The following UVSSA variants were observed in gnomAD, a reference collection of about 807,000 sequenced individuals.
UVSSA encodes the protein UV stimulated scaffold protein A, also known as UV-stimulated scaffold protein A.
UVSSA carries 72 observed loss-of-function variants against 73.9 expected under a neutral mutation model. The observed-to-expected ratio is 0.97, with a 90% CI of 0.81 to 1.19. The LOEUF is 1.19. UVSSA is among the 50% of genes most tolerant of loss of function. UVSSA has a pLI of 0.00. For missense variants in UVSSA, 1,150 were observed against 965.0 expected (o/e 1.19, Z -2.54); for synonymous variants, 454 against 391.3 (o/e 1.16, Z -1.89).
chr4:1,384,039 G>A (rs1719822583), intron 13 of UVSSA, 99 bp downstream of exon 13: 2 of 1,370,054 alleles, frequency 1.5e-6, no homozygotes, highest in East Asian at 2.5e-5. Context: ...AGGGACTTGG[G>A]GCCTCCAGGG....
chr4:1,352,603 G>C (rs1305194231), intron 4 of UVSSA, among the ~76,000 whole-genome samples: 4 of 152,398 alleles, frequency 2.6e-5, no homozygotes, highest in East Asian at 3.9e-4. Flanking sequence ...GAGGTACACA[G>C]AGATTGCCTT....
downstream of UVSSA, chr4:1,388,061 T>C (rs1720275508): frequency 3.3e-5 from 5 of 152,224 alleles, no homozygotes; most frequent in Admixed American, 6.5e-5. Flanking sequence ...CTTCTGATTA[T>C]CTTTCCATTT....
rs1394173691 is a variant in UVSSA, at chr4:1,376,108, C to G, written c.1508C>G (p.Pro503Arg). ...AAERARAPVV[P>R]YGVDLHYWGQ... ...GAGCGGGCCCGGGCGCCTGTGGTGCCCTACGGCGTGGACCTGCACTACTGG... is the reference window on the plus strand; with the variant it reads ...GAGCGGGCCCGGGCGCCTGTGGTGCGCTACGGCGTGGACCTGCACTACTGG... The change falls in exon 10 of 14, where the codon CCC becomes CGC. Residue 503 changes from proline to arginine, a missense_variant. Coordinates refer to ENST00000389851, the MANE Select transcript of UVSSA (RefSeq NM_020894.4). 3 of 1,607,290 alleles carry G rather than the reference C, an allele frequency of 1.9e-6. No homozygotes were observed. Among genetic ancestry groups the G allele is most frequent in the Non-Finnish European group, 2.5e-6 (3 of 1,177,488 alleles).
chr4:1,381,208 C>T (rs74798705), intron 12 of UVSSA, among the ~76,000 whole-genome samples: 4,012 of 152,268 alleles, frequency 0.026, 126 homozygotes, highest in East Asian at 0.17. Flanking sequence ...TAGGGGGTCA[C>T]GTGTTCATGA....
exon 14 of UVSSA, chr4:1,395,863 G>A (rs376958256): frequency 1.3e-4 from 209 of 1,609,652 alleles, no homozygotes; most frequent in Non-Finnish European, 2.9e-5. Context: ...GAATATTAGG[G>A]ATGAGATGGA....
intron 7 of UVSSA, among the ~76,000 whole-genome samples, chr4:1,361,718 C>G (rs560863440): frequency 6.6e-6 from 1 of 152,338 alleles, no homozygotes; most frequent in South Asian, 2.1e-4. Context: ...ATAGCAGATG[C>G]AATGACGACC....
intron 8 of UVSSA, among the ~76,000 whole-genome samples, chr4:1,372,446 T>C (rs977639122): frequency 5.9e-5 from 9 of 152,216 alleles, no homozygotes; most frequent in African/African-American, 2.2e-4. Context: ...CTTCAGATGG[T>C]CACTCTTCAT....
chr4:1,359,567 C>G (rs747000639), intron 7 of UVSSA: 1 of 152,220 alleles, frequency 6.6e-6, no homozygotes, highest in Non-Finnish European at 1.5e-5. Flanking sequence ...GTGGCTCTGT[C>G]TTTCCTTCTG....
In UVSSA at chr4:1,353,310, AG is replaced by A; in HGVS notation, c.833del (p.Gly278ValfsTer37). The A allele has an allele frequency of 6.2e-7, 1 of 1,611,724 alleles. No individual in the cohort carries two copies. The highest frequency in any genetic ancestry group is 8.5e-7 in the Non-Finnish European group (1 of 1,179,850). ...GGAQPSQTAT[G>X]DPSDEDEDSD... The stretch of plus-strand genomic sequence containing the variant: ...GGGCACAGCCATCCCAGACAGCCAC[AG>A]GTGACCCCTCAGATGAGGACGAGGA... On this transcript the variant is annotated frameshift_variant, in exon 5 of 14. Coordinates refer to ENST00000389851, the MANE Select transcript of UVSSA (RefSeq NM_020894.4). LOFTEE classifies it high-confidence loss of function.
intron 4 of UVSSA, among the ~76,000 whole-genome samples, chr4:1,352,572 C>A (rs145959560): frequency 6.6e-6 from 1 of 152,216 alleles, no homozygotes; most frequent in Non-Finnish European, 1.5e-5. Context: ...ACCTCCCCTG[C>A]GCACTCGTGC....
intron 7 of UVSSA, 38 bp downstream of exon 7, chr4:1,355,283 G>T (rs1045496763): frequency 6.4e-7 from 1 of 1,567,864 alleles, no homozygotes. Context: ...GGGTCCCAGA[G>T]GCCTCAGTGG....
exon 14 of UVSSA, chr4:1,393,399 A>G (rs1720448216): frequency 6.6e-6 from 1 of 152,166 alleles, no homozygotes; most frequent in Non-Finnish European, 1.5e-5. Flanking sequence ...GATTTAAAGT[A>G]CTTGTCTAAG....
At chr4:1,368,456 AG>A (rs1717614184) in intron 8 of UVSSA, among the ~76,000 whole-genome samples, 1 of 152,246 alleles carries the variant, frequency 6.6e-6, no homozygotes, top group South Asian at 2.1e-4. Flanking sequence ...AGAAGAGGTG[AG>A]GCTCCCCGGG....
chr4:1,369,473 C>T (rs187964909), intron 8 of UVSSA, among the ~76,000 whole-genome samples: 110 of 152,324 alleles, frequency 7.2e-4, no homozygotes, highest in Admixed American at 3.2e-3. Flanking sequence ...TAAACGTGGG[C>T]GAATCTGAAG....
intron 7 of UVSSA, among the ~76,000 whole-genome samples, chr4:1,362,776 G>A (rs764887940): frequency 7.9e-5 from 12 of 152,190 alleles, no homozygotes; most frequent in Non-Finnish European, 1.6e-4. Context: ...GTGGAAGGGG[G>A]GCTTCGTGCG....
At chr4:1,345,644 CAAAAAAAAAAAAA>C (rs71168831), upstream of UVSSA, among the ~76,000 whole-genome samples, 9 of 55,950 alleles carry the variant, frequency 1.6e-4, no homozygotes, top group African/African-American at 3.5e-4. Context: ...GACTTTGTCT[CAAAAAAAAAAAAA>C]AAAAAAAAAA....
At chr4:1,385,736 A>G (rs552272758) in intron 13 of UVSSA, 132 bp from the exon 14 acceptor site, 179 of 895,226 alleles carry the variant, frequency 2.0e-4, no homozygotes, top group Non-Finnish European at 2.2e-4. Flanking sequence ...GGTGGCACCC[A>G]CAGGCAGTCT....
Position 1,349,590 on chromosome 4 carries a change from C to G in UVSSA, c.165C>G (p.Ala55=), listed in dbSNP as rs373466926. 8 of 1,614,078 alleles carry G rather than the reference C, an allele frequency of 5.0e-6. No individual in the cohort carries two copies. Among genetic ancestry groups the G allele is most frequent in the Non-Finnish European group, 6.8e-6 (8 of 1,180,016 alleles). The change falls in exon 3 of 14, where the codon GCC becomes GCG. Residue 55 remains alanine, a synonymous_variant. Coordinates refer to ENST00000389851, the MANE Select transcript of UVSSA (RefSeq NM_020894.4). ...LLIAQLTQEH[A]EIRLSAFQIV... ...TAGCACAGCTGACCCAGGAGCACGC[C>G]GAGATCCGTCTCTCAGCCTTCCAGA...
rs1435390042 is a variant in UVSSA at position 1,353,247 on chromosome 4, C to A, written c.768C>A (p.Asp256Glu). ...RDGEQPCCSR[D>E]LPASAGHPRA... ...GGGAGCAGCCCTGCTGCAGTAGAGA[C>A]CTGCCTGCCTCTGCAGGCCACCCCA... The change falls in exon 5 of 14, where the codon GAC (aspartate) becomes GAA (glutamate). Residue 256 changes from aspartate (D) to glutamate (E), a missense_variant. Coordinates refer to ENST00000389851, the MANE Select transcript of UVSSA (RefSeq NM_020894.4). 1.4e-5 allele frequency: 22 copies of A among 1,611,622 alleles called. No homozygotes were observed. The highest frequency in any genetic ancestry group is 1.9e-5 in the Non-Finnish European group (22 of 1,179,834).
Sources: gnomAD v4.1 joint callset for allele counts (sites outside exome capture counted in the v4.1 genomes callset) on GRCh38, gnomAD v4.1.1 for gene constraint, MANE v1.5 for transcripts, NCBI Gene and HGNC (gene_info 2026-07-23, HGNC 2026-07-21) for gene names.